The following SUMF1 variants were observed in gnomAD, a reference collection of about 807,000 sequenced individuals.
SUMF1 encodes the protein formylglycine-generating enzyme.
In SUMF1, 48 loss-of-function variants were observed where a neutral mutation model predicts 47.6. The observed-to-expected ratio is 1.01, with a 90% CI of 0.80 to 1.28. The LOEUF is 1.28. Among genes scored for constraint, SUMF1 ranks in the 50% most tolerant of loss-of-function variants. The pLI is 0.00. For missense variants in SUMF1, 571 were observed against 485.4 expected, an observed-to-expected ratio of 1.18 and a Z score of -1.66; for synonymous variants, 230 against 192.1, an observed-to-expected ratio of 1.20 and a Z score of -1.63.
chr3:4,449,192 G>C, intron 3 of SUMF1, 74 bp downstream of exon 3: 1 of 1,505,036 alleles, frequency 6.6e-7, no homozygotes, highest in Non-Finnish European at 9.3e-7. Flanking sequence ...TGACACATGT[G>C]GTTTGGATTT....
At chr3:4,198,547 G>A (rs1000956126) in intron 8 of SUMF1, among the ~76,000 whole-genome samples, 1 of 152,074 alleles carries the variant, frequency 6.6e-6, no homozygotes, top group Admixed American at 6.6e-5. Flanking sequence ...TCTTGGAAAT[G>A]GCAGGAAATA....
chr3:4,268,058 A>T (rs576694840), intron 8 of SUMF1, among the ~76,000 whole-genome samples: 1 of 152,346 alleles, frequency 6.6e-6, no homozygotes, highest in African/African-American at 2.4e-5. Flanking sequence ...ATGCAGCCAT[A>T]AAAAATGATG....
At chr3:4,208,901 G>A (rs1456767665) in intron 8 of SUMF1, among the ~76,000 whole-genome samples, 1 of 152,110 alleles carries the variant, frequency 6.6e-6, no homozygotes, top group Non-Finnish European at 1.5e-5. Context: ...GCTAGACTCA[G>A]ATTAATATTT....
At chr3:4,277,478 T>C (rs954554027) in intron 8 of SUMF1, among the ~76,000 whole-genome samples, 1 of 151,688 alleles carries the variant, frequency 6.6e-6, no homozygotes, top group African/African-American at 2.4e-5. Flanking sequence ...TAACATCACA[T>C]AGAGAGATCC....
chr3:4,179,161 T>C (rs190331929), intron 8 of SUMF1, among the ~76,000 whole-genome samples: 103 of 152,264 alleles, frequency 6.8e-4, no homozygotes, highest in Non-Finnish European at 1.1e-3. Context: ...CCGCTGACTT[T>C]CTTCACAGAA....
rs1702215588 is a variant in SUMF1 at position 4,430,987 on chromosome 3, A to G, written c.520-10841T>C. ...AGATCTTCAGAACCTTAGATCTGGAAGGATGCCAAAAAGTTACTTGATTTT... is the reference window on the plus strand; with the variant it reads ...AGATCTTCAGAACCTTAGATCTGGAGGGATGCCAAAAAGTTACTTGATTTT... On this transcript the variant is annotated intron_variant, in intron 3 of 8. Transcript: ENST00000272902. 3.3e-5 allele frequency among the ~76,000 whole-genome samples: 5 copies of G among 152,354 alleles called. No individual in the cohort carries two copies. In the South Asian group the frequency reaches 8.3e-4, roughly 25 times the overall value.
At chr3:4,165,866 C>A (rs200422694) in intron 8 of SUMF1, among the ~76,000 whole-genome samples, 2 of 65,502 alleles carry the variant, frequency 3.1e-5, no homozygotes, top group African/African-American at 5.6e-5. Context: ...TTTGTTTCCC[C>A]CCCCCCCCCG....
intron 8 of SUMF1, among the ~76,000 whole-genome samples, chr3:4,183,139 A>C (rs1449563156): frequency 6.6e-6 from 1 of 152,224 alleles, no homozygotes; most frequent in Non-Finnish European, 1.5e-5. Flanking sequence ...CTTACATCTA[A>C]GAAAGAGATT....
chr3:4,043,187 A>G lies in SUMF1; in HGVS notation c.1191+25382T>C, dbSNP rs1482418124. ...TGGTAGGTCATGGCACCCCATGAACACTGGATCCCCATGCTCACCCCATGC... is the reference window on the plus strand; with the variant it reads ...TGGTAGGTCATGGCACCCCATGAACGCTGGATCCCCATGCTCACCCCATGC... On this transcript the variant is annotated intron_variant and NMD_transcript_variant, in intron 9 of 12. Transcript: ENST00000448413. 2.0e-5 allele frequency among the ~76,000 whole-genome samples: 3 copies of G among 152,002 alleles called. No individual in the cohort carries two copies. The East Asian group carries it at 5.8e-4, about 29-fold the overall frequency.
intron 8 of SUMF1, among the ~76,000 whole-genome samples, chr3:4,336,310 G>C (rs60322321): frequency 0.19 from 28,819 of 152,108 alleles, 2,899 homozygotes; most frequent in African/African-American, 0.25. Context: ...TCTTGTGAGG[G>C]TCTGATTAGC....
chr3:4,331,826 T>A (rs932984565), intron 8 of SUMF1, among the ~76,000 whole-genome samples: 16 of 152,084 alleles, frequency 1.1e-4, no homozygotes, highest in Non-Finnish European at 1.5e-4. Flanking sequence ...CAAGACTCCA[T>A]CTCCAAAAAA....
At chr3:4,148,112 C>T (rs951128511) in intron 8 of SUMF1, among the ~76,000 whole-genome samples, 1 of 152,142 alleles carries the variant, frequency 6.6e-6, no homozygotes, top group Non-Finnish European at 1.5e-5. Context: ...ATAGCTCCTA[C>T]CCACTCCTTT....
chr3:4,339,815 G>A (rs929386939), intron 8 of SUMF1, among the ~76,000 whole-genome samples: 7 of 152,112 alleles, frequency 4.6e-5, no homozygotes, highest in South Asian at 2.1e-4. Context: ...GGTGGCTCAC[G>A]CCTGTAATCC....
At chr3:4,288,140 G>A (rs1254906826) in intron 8 of SUMF1, among the ~76,000 whole-genome samples, 1 of 152,158 alleles carries the variant, frequency 6.6e-6, no homozygotes, top group Non-Finnish European at 1.5e-5. Context: ...ACCTAGGGAA[G>A]GTGAGGAATA....
At chr3:4,211,183 C>CAT (rs1695780102) in intron 8 of SUMF1, among the ~76,000 whole-genome samples, 1 of 77,876 alleles carries the variant, frequency 1.3e-5, no homozygotes, top group African/African-American at 5.2e-5. Context: ...CATATATATA[C>CAT]ATATACATAT....
At chr3:4,211,931 C>G (rs1695807501) in intron 8 of SUMF1, among the ~76,000 whole-genome samples, 1 of 152,204 alleles carries the variant, frequency 6.6e-6, no homozygotes, top group Admixed American at 6.5e-5. Flanking sequence ...CAACCCCAGT[C>G]AGGGACTTAC....
chr3:4,460,895 T>C (rs1264494771), intron 1 of SUMF1, among the ~76,000 whole-genome samples: 1 of 152,006 alleles, frequency 6.6e-6, no homozygotes, highest in East Asian at 1.9e-4. Flanking sequence ...GTTCAAGTGA[T>C]ACTCCTGCTT....
intron 8 of SUMF1, among the ~76,000 whole-genome samples, chr3:4,118,533 C>T (rs1693471120): frequency 6.6e-6 from 1 of 152,064 alleles, no homozygotes; most frequent in Non-Finnish European, 1.5e-5. Flanking sequence ...TAAATGTGTA[C>T]CTATATTGCT....
intron 7 of SUMF1, among the ~76,000 whole-genome samples, chr3:4,378,729 C>T (rs1450932791): frequency 1.3e-5 from 2 of 152,202 alleles, no homozygotes; most frequent in Non-Finnish European, 2.9e-5. Flanking sequence ...GTAATGGCCA[C>T]ACTCTCCTAC....
Sources: allele counts gnomAD v4.1 joint callset (sites outside exome capture counted in the v4.1 genomes callset), GRCh38; gene constraint gnomAD v4.1.1; transcripts MANE v1.5; gene names NCBI Gene and HGNC (gene_info 2026-07-23, HGNC 2026-07-21).